NEBL: variants seen among roughly 807,000 people sequenced by gnomAD.
The protein encoded by NEBL is LIM and SH3 protein 2.
NEBL carries 122 observed loss-of-function variants against 140.2 expected under a neutral mutation model. That is an observed-to-expected ratio of 0.87 (90% CI 0.75 to 1.01). NEBL has a LOEUF of 1.01. Among genes scored for constraint, NEBL ranks in the 50% least tolerant of loss-of-function variants. The pLI is 0.00. For synonymous variants in NEBL, 436 were observed against 398.9 expected, an observed-to-expected ratio of 1.09 and a Z score of -1.11; for missense variants, 1,365 against 1,231.3, an observed-to-expected ratio of 1.11 and a Z score of -1.62.
chr10:20,831,394 T>A, intron 15 of NEBL, 79 bp downstream of exon 15: 2 of 1,494,488 alleles, frequency 1.3e-6, no homozygotes, highest in Non-Finnish European at 1.9e-6. Flanking sequence ...AAGCCACCCA[T>A]GTGGAAAGAA....
At chr10:21,064,669 A>G (rs1405418701) in intron 2 of NEBL, among the ~76,000 whole-genome samples, 1 of 152,224 alleles carries the variant, frequency 6.6e-6, no homozygotes, top group Non-Finnish European at 1.5e-5. Flanking sequence ...TACTATTTTG[A>G]AAAATAGTAC....
intron 2 of NEBL, among the ~76,000 whole-genome samples, chr10:21,057,813 G>C (rs1835098872): frequency 6.6e-6 from 1 of 152,000 alleles, no homozygotes. Context: ...AGCCCGCCTT[G>C]GTCTCCCAAA....
intron 4 of NEBL, among the ~76,000 whole-genome samples, chr10:20,923,706 T>G (rs1241372327): frequency 1.3e-5 from 1 of 77,836 alleles, no homozygotes; most frequent in East Asian, 2.9e-4. Context: ...AGAAATGGTT[T>G]CTTGACATGC....
At chr10:21,213,907 G>A (rs572825019) in intron 3 of NEBL, among the ~76,000 whole-genome samples, 1 of 152,118 alleles carries the variant, frequency 6.6e-6, no homozygotes, top group Admixed American at 6.5e-5. Context: ...GCGAGGGAAA[G>A]GACAAGGTCT....
At chr10:21,144,823 T>C (rs1216877334) in intron 2 of NEBL, among the ~76,000 whole-genome samples, 1 of 152,110 alleles carries the variant, frequency 6.6e-6, no homozygotes, top group Non-Finnish European at 1.5e-5. Context: ...TAACTAGCTA[T>C]TCACGTCATA....
intron 2 of NEBL, among the ~76,000 whole-genome samples, chr10:21,032,691 T>C (rs1318767009): frequency 6.6e-6 from 1 of 152,190 alleles, no homozygotes; most frequent in Non-Finnish European, 1.5e-5. Context: ...TATGATAATG[T>C]AGGCCTCTCA....
intron 3 of NEBL, among the ~76,000 whole-genome samples, chr10:21,216,820 A>C (rs1841998676): frequency 6.6e-6 from 1 of 150,450 alleles, no homozygotes; most frequent in South Asian, 2.1e-4. Flanking sequence ...AAAACCCATC[A>C]CTACTAAATA....
In NEBL at chr10:20,784,993, G is replaced by A. The variant is rs1398775924; in HGVS notation, c.*754C>T. 1.3e-5 allele frequency: 2 copies of A among 152,694 alleles called. No individual in the cohort carries two copies. The highest frequency in any genetic ancestry group is 4.8e-5 in the African/African-American group (2 of 41,448). The allele number at this position is 152,694 out of a possible 1,614,324, so 9.5% of individuals were successfully genotyped here. On this transcript the variant is annotated 3_prime_UTR_variant, in exon 28 of 28. Transcript: ENST00000377122. ...CTACATGACATGCAACAGGGTAAAT[G>A]CTACTAGGGAAATTATATCAATGAC...
intron 26 of NEBL, among the ~76,000 whole-genome samples, chr10:20,803,203 G>A (rs1272968021): frequency 2.0e-5 from 3 of 152,118 alleles, no homozygotes; most frequent in African/African-American, 7.2e-5. Context: ...ACCACTGTAG[G>A]ATGACTATAG....
At chr10:21,287,047 C>A (rs2132303157) in intron 1 of NEBL, among the ~76,000 whole-genome samples, 1 of 152,206 alleles carries the variant, frequency 6.6e-6, no homozygotes, top group South Asian at 2.1e-4. Flanking sequence ...GAGCAGAATT[C>A]CCTAATAAGA....
chr10:21,158,467 T>C (rs1840421485), intron 2 of NEBL, among the ~76,000 whole-genome samples: 1 of 152,222 alleles, frequency 6.6e-6, no homozygotes, highest in Non-Finnish European at 1.5e-5. Flanking sequence ...AATGCCCATT[T>C]TGCAGATGGG....
chr10:21,212,070 T>A (rs1031515691), intron 3 of NEBL, among the ~76,000 whole-genome samples: 1 of 151,766 alleles, frequency 6.6e-6, no homozygotes, highest in Non-Finnish European at 1.5e-5. Context: ...TTATTACATA[T>A]TATACAACTA....
chr10:21,046,290 C>A (rs1467811094), intron 2 of NEBL, among the ~76,000 whole-genome samples: 1 of 152,114 alleles, frequency 6.6e-6, no homozygotes, highest in African/African-American at 2.4e-5. Flanking sequence ...TTAGTCAGTT[C>A]TGGAGACATA....
chr10:21,215,951 G>A (rs569644697), intron 3 of NEBL, among the ~76,000 whole-genome samples: 13 of 152,248 alleles, frequency 8.5e-5, no homozygotes, highest in Non-Finnish European at 1.6e-4. Flanking sequence ...AATTATAGGC[G>A]TGAGCCACCG....
rs1841127469 is a variant in NEBL, at chr10:21,172,556, T to C, written c.70-79A>G. On this transcript the variant is annotated intron_variant, in intron 1 of 6. Coordinates refer to the NEBL transcript ENST00000417816. ...GGATGGGCACAGAAGGAAGGCTTTT[T>C]AGTGCATCACAGTCCCTGTAGCTGA... 5.0e-6 allele frequency: 5 copies of C among 1,004,510 alleles called. No individual in the cohort carries two copies. The South Asian group carries it at 6.7e-5, about 13-fold the overall frequency. 62.2% of individuals were successfully genotyped at this position (1,004,510 alleles called of 1,614,324 possible). A position where few individuals can be genotyped will look rare whatever the true frequency, so the allele number is the denominator to read the frequency against.
rs61585587 is a variant in NEBL at position 21,127,737 on chromosome 10, GGGAATTAAAA to G, written c.164+44636_164+44645del. Reference sequence around the variant, plus strand: ...AAACCTGATTTCTGCAACAAATAAAGGGAATTAAAAGGGGGAAAGGAGTGGAAGGGGACTA... The same window carrying G: ...AAACCTGATTTCTGCAACAAATAAAGGGGGGAAAGGAGTGGAAGGGGACTA... On this transcript the variant is annotated intron_variant, in intron 2 of 6. Transcript: ENST00000417816. Among the ~76,000 whole-genome samples the G allele has an allele frequency of 5.2e-3, 784 of 152,106 alleles. 6 individuals carry two copies. Among genetic ancestry groups the G allele is most frequent in the African/African-American group, 0.018 (739 of 41,492 alleles).
In NEBL at chr10:20,862,184, T is replaced by G. The variant is rs1184914665; in HGVS notation, c.685-2358A>C. Among the ~76,000 whole-genome samples the G allele has an allele frequency of 5.9e-5, 9 of 152,198 alleles. No individual in the cohort carries two copies. The East Asian group carries it at 1.7e-3, about 29-fold the overall frequency. The stretch of plus-strand genomic sequence containing the variant: ...CTGAACCACTAGAAGTCAGGGACCA[T>G]CTATGCATTTCTAAGAAACAATAAT... On this transcript the variant is annotated intron_variant, in intron 7 of 27. Transcript: ENST00000377122.
At chr10:20,990,337 C>A (rs1411631319) in intron 3 of NEBL, among the ~76,000 whole-genome samples, 2 of 152,128 alleles carry the variant, frequency 1.3e-5, no homozygotes, top group Non-Finnish European at 2.9e-5. Context: ...GCCTAATCTC[C>A]AGTGTGATGA....
intron 3 of NEBL, among the ~76,000 whole-genome samples, chr10:20,983,722 C>T (rs192209745): frequency 3.0e-4 from 46 of 152,218 alleles, no homozygotes; most frequent in Admixed American, 2.4e-3. Context: ...ACTGAGCAGC[C>T]CATTAGGCAC....
Sources: allele counts gnomAD v4.1 joint callset (sites outside exome capture counted in the v4.1 genomes callset), GRCh38; gene constraint gnomAD v4.1.1; transcripts MANE v1.5; gene names NCBI Gene and HGNC (gene_info 2026-07-23, HGNC 2026-07-21).